The following EFCAB8 variants were observed in gnomAD, a reference collection of about 807,000 sequenced individuals.
EFCAB8 encodes EF-hand calcium-binding domain-containing protein 8.
In EFCAB8, 100 loss-of-function variants were observed where a neutral mutation model predicts 116.3. That is an observed-to-expected ratio of 0.86 (90% CI 0.73 to 1.02). EFCAB8 has a LOEUF of 1.02. Among genes scored for constraint, EFCAB8 ranks in the 50% least tolerant of loss-of-function variants. EFCAB8 has a pLI of 0.00. For missense variants in EFCAB8, 1,320 were observed against 1,416.9 expected, an observed-to-expected ratio of 0.93 and a Z score of 1.10; for synonymous variants, 558 against 567.9, an observed-to-expected ratio of 0.98 and a Z score of 0.25.
At position 32,938,197 on chromosome 20, in the gene EFCAB8, TA is replaced by T. The variant is rs1338049303; in HGVS notation, c.2791-5433del. Among the ~76,000 whole-genome samples, 3 of 149,726 alleles carry T rather than the reference TA, an allele frequency of 2.0e-5. 1 individual carries two copies. Among genetic ancestry groups the T allele is most frequent in the South Asian group, 2.1e-4 (1 of 4,772 alleles). ...AATGTAATACACCATATTAACTGAATAAAAAACAAAAGCCATATGATTATGC... is the reference window on the plus strand; with the variant it reads ...AATGTAATACACCATATTAACTGAATAAAAACAAAAGCCATATGATTATGC... On this transcript the variant is annotated intron_variant, in intron 22 of 26. Transcript: ENST00000400522.
chr20:32,943,348 C>G (rs185806106), intron 22 of EFCAB8, among the ~76,000 whole-genome samples: 19 of 139,704 alleles, frequency 1.4e-4, no homozygotes, highest in Admixed American at 3.4e-4. Flanking sequence ...ACAATGTAGT[C>G]ATATGCAAGT....
intron 3 of EFCAB8, among the ~76,000 whole-genome samples, chr20:32,869,903 G>A (rs781505620): frequency 2.6e-5 from 4 of 152,126 alleles, no homozygotes; most frequent in South Asian, 2.1e-4. Flanking sequence ...GTTTTCAGAC[G>A]TTTAGGTTTT....
At chr20:32,865,079 C>T (rs1984321310) in intron 2 of EFCAB8, among the ~76,000 whole-genome samples, 1 of 152,156 alleles carries the variant, frequency 6.6e-6, no homozygotes, top group African/African-American at 2.4e-5. Flanking sequence ...AGCTCTGGGG[C>T]TCTGCAGCCG....
intron 23 of EFCAB8, among the ~76,000 whole-genome samples, chr20:32,952,165 T>C (rs1988817231): frequency 6.6e-6 from 1 of 152,090 alleles, no homozygotes; most frequent in South Asian, 2.1e-4. Context: ...TTCAGGAGGC[T>C]GAGGCAGGAG....
intron 22 of EFCAB8, 141 bp downstream of exon 22, chr20:32,931,477 G>A (rs1987908156): frequency 2.6e-6 from 3 of 1,169,080 alleles, no homozygotes; most frequent in Non-Finnish European, 3.4e-6. Flanking sequence ...TAGTATTCGT[G>A]GCCAGTCGTG....
At chr20:32,960,030 C>G in intron 25 of EFCAB8, 33 bp from the exon 26 acceptor site, 1 of 1,551,572 alleles carries the variant, frequency 6.4e-7, no homozygotes, top group Non-Finnish European at 8.7e-7. Context: ...ACCCCCAACT[C>G]GCAGCCTTCA....
At chr20:32,911,276 G>A (rs1311327275) in intron 15 of EFCAB8, among the ~76,000 whole-genome samples, 4 of 152,142 alleles carry the variant, frequency 2.6e-5, no homozygotes, top group Admixed American at 1.3e-4. Context: ...TTCACCAAAC[G>A]TTCCAGTGCG....
In EFCAB8 at chr20:32,961,371, C is replaced by A; in HGVS notation, c.3629C>A (p.Ser1210Tyr). ...TTGTTATCTGTCACTGCCTCAGCCTCCAGGCTGCTGGACTCCAGCTTGCCC... is the reference window on the plus strand; with the variant it reads ...TTGTTATCTGTCACTGCCTCAGCCTACAGGCTGCTGGACTCCAGCTTGCCC... ...SSLLSVTASA[S>Y]RLLDSSLPTF... The change falls in exon 27 of 27, where the codon TCC becomes TAC. Residue 1210 changes from serine (S) to tyrosine (Y), a missense_variant. Ser to Tyr is a moderately radical substitution (Grantham distance 144). Transcript: ENST00000400522. The A allele has an allele frequency of 6.8e-7, 1 of 1,464,152 alleles. No individual in the cohort carries two copies. 90.7% of individuals were successfully genotyped at this position (1,464,152 alleles called of 1,614,324 possible). A position where few individuals can be genotyped will look rare whatever the true frequency, so the allele number is the denominator to read the frequency against.
At chr20:32,952,336 G>T (rs945570365) in intron 23 of EFCAB8, among the ~76,000 whole-genome samples, 1 of 152,054 alleles carries the variant, frequency 6.6e-6, no homozygotes, top group Admixed American at 6.6e-5. Context: ...CTAACCCAAG[G>T]TCACAAATGT....
chr20:32,870,254 T>C (rs956778411), intron 3 of EFCAB8, among the ~76,000 whole-genome samples: 3 of 152,230 alleles, frequency 2.0e-5, no homozygotes, highest in Non-Finnish European at 4.4e-5. Flanking sequence ...AGCCAGGAAG[T>C]GCCACCACTG....
intron 23 of EFCAB8, among the ~76,000 whole-genome samples, chr20:32,955,072 G>C (rs1988921143): frequency 6.6e-6 from 1 of 152,052 alleles, no homozygotes; most frequent in Non-Finnish European, 1.5e-5. Flanking sequence ...TGGTTCTCTT[G>C]GTTTTACCTA....
intron 8 of EFCAB8, 132 bp downstream of exon 8, chr20:32,892,429 C>T (rs1985965020): frequency 1.4e-6 from 1 of 736,604 alleles, no homozygotes; most frequent in East Asian, 2.7e-5. Context: ...CCCACTGGCT[C>T]CAAGGCCCCT....
At chr20:32,876,313 C>T (rs1016728215) in intron 4 of EFCAB8, among the ~76,000 whole-genome samples, 1 of 152,326 alleles carries the variant, frequency 6.6e-6, no homozygotes. Context: ...CCACCTGCCA[C>T]GCGGCTGTGG....
In EFCAB8 at chr20:32,878,804, C is replaced by T; in HGVS notation, c.428C>T (p.Pro143Leu). Residue 143 changes from proline (P) to leucine (L), a missense_variant, in exon 5 of 27, where the codon CCC (proline) becomes CTC (leucine). Transcript: ENST00000400522. ...LHFYLPMTVV[P>L]LNHGCEVVKV... ...TTCTACCTTCCCATGACGGTCGTCCCCCTGTAAGGAGCCTCTTCCTGGGCC... is the reference window on the plus strand; with the variant it reads ...TTCTACCTTCCCATGACGGTCGTCCTCCTGTAAGGAGCCTCTTCCTGGGCC... 1.3e-6 allele frequency: 2 copies of T among 1,552,118 alleles called. No individual in the cohort carries two copies. The highest frequency in any genetic ancestry group is 2.4e-5 in the East Asian group (1 of 40,906).
chr20:32,949,897 G>A (rs1988744051), intron 23 of EFCAB8, among the ~76,000 whole-genome samples: 1 of 152,218 alleles, frequency 6.6e-6, no homozygotes, highest in South Asian at 2.1e-4. Flanking sequence ...CTACTCGGGA[G>A]GCTGAGGCAC....
intron 3 of EFCAB8, among the ~76,000 whole-genome samples, chr20:32,875,026 G>A (rs1984880556): frequency 6.6e-6 from 1 of 152,226 alleles, no homozygotes; most frequent in African/African-American, 2.4e-5. Context: ...TGGGATTACA[G>A]GCGTGAGCCA....
At chr20:32,899,498 G>A (rs1012967892) in intron 11 of EFCAB8, among the ~76,000 whole-genome samples, 3 of 152,004 alleles carry the variant, frequency 2.0e-5, no homozygotes, top group Non-Finnish European at 4.4e-5. Context: ...AAAGAAGGTT[G>A]GAGTCCTGAG....
intron 22 of EFCAB8, among the ~76,000 whole-genome samples, chr20:32,941,029 G>A (rs375466839): frequency 4.7e-5 from 7 of 149,308 alleles, no homozygotes; most frequent in Non-Finnish European, 7.4e-5. Flanking sequence ...TGAGGTGGGC[G>A]GATTATGAGG....
rs967175843 is a variant in EFCAB8 at position 32,958,538 on chromosome 20, A to T, written c.3077A>T (p.His1026Leu). 1 of 416,230 alleles carries T rather than the reference A, an allele frequency of 2.4e-6. No homozygotes were observed. Among genetic ancestry groups the T allele is most frequent in the African/African-American group, 2.1e-5 (1 of 48,678 alleles). The allele number at this position is 416,230 out of a possible 1,614,324, so 25.8% of individuals were successfully genotyped here. ...DSTGTTQKVL[H>L]LELQEQRDLA... ...ACTGGCACCACCCAGAAGGTCTTAC[A>T]TCTGGAGCTGCAGTGAGTGAGCACA... The change falls in exon 24 of 27, where the codon CAT becomes CTT. Residue 1026 changes from histidine to leucine, a missense_variant. His to Leu is a moderately conservative substitution (Grantham distance 99). Transcript: ENST00000400522.
Sources: allele counts gnomAD v4.1 joint callset (sites outside exome capture counted in the v4.1 genomes callset), GRCh38; gene constraint gnomAD v4.1.1; transcripts MANE v1.5; gene names NCBI Gene and HGNC (gene_info 2026-07-23, HGNC 2026-07-21).